Variants in ADA observed in about 807,000 individuals in gnomAD.
The protein encoded by ADA is adenosine aminohydrolase.
A neutral mutation model predicts 49.0 loss-of-function variants in ADA; 45 were observed. That is an observed-to-expected ratio of 0.92 (90% CI 0.72 to 1.18). The LOEUF is 1.18. Ranked by LOEUF, ADA falls within the 50% of genes most tolerant of loss-of-function variation. ADA has a pLI of 0.00. For missense variants in ADA, 445 were observed against 472.5 expected (o/e 0.94, Z 0.54); for synonymous variants, 173 against 184.2 (o/e 0.94, Z 0.49).
intron 2 of ADA, among the ~76,000 whole-genome samples, chr20:44,635,876 C>T (rs1162249140): frequency 2.0e-5 from 3 of 151,412 alleles, no homozygotes; most frequent in East Asian, 1.9e-4. Flanking sequence ...CCAGCCTGGG[C>T]GACAGAGCAA....
intron 2 of ADA, among the ~76,000 whole-genome samples, chr20:44,635,013 T>C (rs1406735027): frequency 1.3e-5 from 2 of 152,238 alleles, no homozygotes; most frequent in Non-Finnish European, 2.9e-5. Context: ...CCCTAGCTCC[T>C]AGGTCATCTC....
chr20:44,632,729 G>C (rs545167544), intron 2 of ADA, among the ~76,000 whole-genome samples: 4 of 152,162 alleles, frequency 2.6e-5, no homozygotes, highest in African/African-American at 9.7e-5. Flanking sequence ...TCTTGCTCTT[G>C]TTGCCCAGGC....
chr20:44,639,121 G>C (rs1269239507), intron 1 of ADA, among the ~76,000 whole-genome samples: 1 of 152,198 alleles, frequency 6.6e-6, no homozygotes, highest in African/African-American at 2.4e-5. Flanking sequence ...TTGGCAGCTG[G>C]TTAGAGAAAG....
At chr20:44,641,471 G>A (rs1348705088) in intron 1 of ADA, among the ~76,000 whole-genome samples, 3 of 152,126 alleles carry the variant, frequency 2.0e-5, no homozygotes, top group Non-Finnish European at 2.9e-5. Context: ...GGGGCAGGAC[G>A]TGCATGTGGG....
chr20:44,645,748 A>AT (rs1196801794), intron 1 of ADA, among the ~76,000 whole-genome samples: 1 of 152,124 alleles, frequency 6.6e-6, no homozygotes, highest in African/African-American at 2.4e-5. Context: ...TATAATTCTC[A>AT]TTTTAGAGAG....
chr20:44,647,165 T>G (rs936049695), intron 1 of ADA, among the ~76,000 whole-genome samples: 2 of 152,058 alleles, frequency 1.3e-5, no homozygotes. Flanking sequence ...CCGGGTGCGG[T>G]GGCTCATGCC....
At chr20:44,623,931 A>G (rs1293218337) in intron 6 of ADA, 1 of 475,462 alleles carries the variant, frequency 2.1e-6, no homozygotes, top group South Asian at 1.6e-5. Flanking sequence ...TTGTATTTGC[A>G]GAGATGGATC....
chr20:44,647,187 C>T (rs2065600156), intron 1 of ADA, among the ~76,000 whole-genome samples: 1 of 152,064 alleles, frequency 6.6e-6, no homozygotes, highest in Non-Finnish European at 1.5e-5. Context: ...GTAATCCCGG[C>T]ACTTTGGGAG....
chr20:44,638,726 A>T (rs1017238841), intron 1 of ADA, among the ~76,000 whole-genome samples: 1 of 152,208 alleles, frequency 6.6e-6, no homozygotes, highest in African/African-American at 2.4e-5. Flanking sequence ...CAAATGTCAC[A>T]TGGGAAAATG....
chr20:44,624,156 A>G, intron 6 of ADA, 46 bp downstream of exon 6: 1 of 1,570,000 alleles, frequency 6.4e-7, no homozygotes, highest in Non-Finnish European at 8.6e-7. Context: ...GGTGGGAGAC[A>G]AGCTCACCCA....
At chr20:44,651,038 G>C (rs375929282) in intron 1 of ADA, among the ~76,000 whole-genome samples, 34 of 152,326 alleles carry the variant, frequency 2.2e-4, no homozygotes, top group African/African-American at 8.2e-4. Context: ...CTTCCCGCGC[G>C]GGGGAAGGGG....
In ADA at chr20:44,644,167, AC is replaced by A. The variant is rs1372469978; in HGVS notation, c.33+7407del. Reference sequence around the variant, plus strand: ...CTGACTGGGTTTACCTTGGAGGTAGACGCCCTGCTCGCCTCCGGCAGTTGGG... The same window carrying A: ...CTGACTGGGTTTACCTTGGAGGTAGAGCCCTGCTCGCCTCCGGCAGTTGGG... On this transcript the variant is annotated intron_variant, in intron 1 of 11. Transcript: ENST00000372874. Among the ~76,000 whole-genome samples, 5 of 1,154 alleles carry A rather than the reference AC, an allele frequency of 4.3e-3. No individual in the cohort carries two copies. The South Asian group carries it at 0.15, about 36-fold the overall frequency. 0.8% of individuals were successfully genotyped at this position (1,154 alleles called of 152,430 possible). A position where few individuals can be genotyped will look rare whatever the true frequency, so the allele number is the denominator to read the frequency against.
rs199886437 is a variant in ADA, at chr20:44,636,240, A to C, written c.82T>G (p.Leu28Val). The C allele has an allele frequency of 3.7e-6, 6 of 1,610,614 alleles. No individual in the cohort carries two copies. In the African/African-American group the frequency reaches 8.0e-5, roughly 21 times the overall value. ...GTATGGACTTACCTGCCATAGTATAAGATGGTTTCAGGCTTGATGGATCCG... is the reference window on the plus strand; with the variant it reads ...GTATGGACTTACCTGCCATAGTATACGATGGTTTCAGGCTTGATGGATCCG... Reference protein sequence around the residue: ...LDGSIKPETILYYGRRRGIAL... With the variant: ...LDGSIKPETIVYYGRRRGIAL... The change falls in exon 2 of 12, where the codon TTA becomes GTA. Residue 28 changes from leucine to valine, a missense_variant. Physicochemically the swap from Leu to Val is conservative, Grantham distance 32 (BLOSUM62 1). Transcript: ENST00000372874.
At position 44,623,877 on chromosome 20, in the gene ADA, A is replaced by G. The variant is rs1314980204; in HGVS notation, c.606+325T>C. On this transcript the variant is annotated intron_variant, in intron 6 of 11. Transcript: ENST00000372874. ...ATTCTCCCACCTCAGCCTCCCAAGTAGCTGGGACTACAGGCATGCACCACC... is the reference window on the plus strand; with the variant it reads ...ATTCTCCCACCTCAGCCTCCCAAGTGGCTGGGACTACAGGCATGCACCACC... 2.3e-5 allele frequency: 9 copies of G among 395,764 alleles called. No homozygotes were observed. In the Admixed American group the frequency reaches 2.6e-4, roughly 12 times the overall value. The allele number at this position is 395,764 out of a possible 1,614,324, so 24.5% of individuals were successfully genotyped here.
At chr20:44,631,705 C>G (rs2065435038) in intron 2 of ADA, among the ~76,000 whole-genome samples, 1 of 152,214 alleles carries the variant, frequency 6.6e-6, no homozygotes, top group Non-Finnish European at 1.5e-5. Context: ...GCCTTTTACA[C>G]ACCTGGCCAG....
intron 1 of ADA, among the ~76,000 whole-genome samples, chr20:44,641,236 C>T (rs979344099): frequency 3.3e-5 from 5 of 151,942 alleles, no homozygotes; most frequent in Non-Finnish European, 7.4e-5. Context: ...CATCTGAGGT[C>T]AATTAAAGAA....
At chr20:44,622,687 C>A (rs759743522) in intron 8 of ADA, 35 bp from the exon 9 acceptor site, 1 of 1,613,978 alleles carries the variant, frequency 6.2e-7, no homozygotes, top group Admixed American at 1.7e-5. Context: ...CAGGGATGGC[C>A]CCAGGCCATG....
At chr20:44,645,640 A>G (rs1354633523) in intron 1 of ADA, among the ~76,000 whole-genome samples, 1 of 152,188 alleles carries the variant, frequency 6.6e-6, no homozygotes, top group African/African-American at 2.4e-5. Context: ...AAGTAGGACC[A>G]TTACCAACCA....
At chr20:44,629,808 A>G (rs2065417209) in intron 2 of ADA, among the ~76,000 whole-genome samples, 1 of 152,088 alleles carries the variant, frequency 6.6e-6, no homozygotes, top group African/African-American at 2.4e-5. Context: ...AGCGCTCAGT[A>G]AGAGCGTGCT....
Sources: allele counts gnomAD v4.1 joint callset (sites outside exome capture counted in the v4.1 genomes callset), GRCh38; gene constraint gnomAD v4.1.1; transcripts MANE v1.5; gene names NCBI Gene and HGNC (gene_info 2026-07-23, HGNC 2026-07-21).